The following PTPRJ variants were observed in gnomAD, a reference collection of about 807,000 sequenced individuals.
PTPRJ encodes protein tyrosine phosphatase receptor type J, also known as receptor-type tyrosine-protein phosphatase eta.
A neutral mutation model predicts 141.3 loss-of-function variants in PTPRJ; 129 were observed. The observed-to-expected ratio is 0.91, with a 90% confidence interval of 0.79 to 1.06. The LOEUF (loss-of-function observed/expected upper bound fraction) is 1.06. PTPRJ is among the 50% of genes least tolerant of loss of function. The pLI, the probability that PTPRJ is intolerant of heterozygous loss-of-function variation, is 0.00. For missense variants in PTPRJ, 1,601 were observed against 1,679.7 expected (o/e 0.95, Z 0.82); for synonymous variants, 610 against 640.5 (o/e 0.95, Z 0.72).
intron 1 of PTPRJ, among the ~76,000 whole-genome samples, chr11:48,096,491 C>A (rs556817076): frequency 1.3e-5 from 2 of 152,322 alleles, no homozygotes; most frequent in East Asian, 3.9e-4. Context: ...ACTTTCTCCG[C>A]CAAAACTATC....
At chr11:48,058,326 T>C (rs567745777) in intron 1 of PTPRJ, among the ~76,000 whole-genome samples, 9 of 152,260 alleles carry the variant, frequency 5.9e-5, no homozygotes, top group African/African-American at 2.2e-4. Flanking sequence ...TGCCTCCACC[T>C]CCTGAATAGC....
At chr11:48,107,484 T>G (rs576431043) in intron 1 of PTPRJ, among the ~76,000 whole-genome samples, 11 of 152,248 alleles carry the variant, frequency 7.2e-5, no homozygotes, top group African/African-American at 2.6e-4. Flanking sequence ...AACTGGGGTA[T>G]ATAGGGAAGT....
At chr11:48,148,197 A>G (rs1857397955) in intron 15 of PTPRJ, among the ~76,000 whole-genome samples, 1 of 152,160 alleles carries the variant, frequency 6.6e-6, no homozygotes, top group South Asian at 2.1e-4. Flanking sequence ...GGCTGGATAA[A>G]ACAGTTTTAT....
At chr11:48,134,494 G>T (rs1321044788) in intron 8 of PTPRJ, among the ~76,000 whole-genome samples, 1 of 152,086 alleles carries the variant, frequency 6.6e-6, no homozygotes, top group African/African-American at 2.4e-5. Flanking sequence ...GGAAACAAAG[G>T]CTCCTCCCAG....
chr11:48,001,005 T>G (rs1281710135), intron 1 of PTPRJ, among the ~76,000 whole-genome samples: 1 of 146,620 alleles, frequency 6.8e-6, no homozygotes, highest in African/African-American at 2.6e-5. Context: ...TTTTTTTTTT[T>G]TAAATTTTGA....
At chr11:48,094,443 C>T (rs1478812085) in intron 1 of PTPRJ, among the ~76,000 whole-genome samples, 10 of 152,080 alleles carry the variant, frequency 6.6e-5, no homozygotes, top group African/African-American at 9.7e-5. Flanking sequence ...GGTTGATGTC[C>T]GAAATGAAGT....
At chr11:48,104,590 G>A (rs1054453515) in intron 1 of PTPRJ, among the ~76,000 whole-genome samples, 5 of 152,162 alleles carry the variant, frequency 3.3e-5, no homozygotes, top group Admixed American at 6.5e-5. Flanking sequence ...AAAGCCCAAC[G>A]TGGATAACAG....
Position 48,029,723 on chromosome 11 carries a change from A to T in PTPRJ, c.96+48715A>T, listed in dbSNP as rs188780616. Among the ~76,000 whole-genome samples the T allele has an allele frequency of 7.4e-4, 110 of 149,178 alleles. 2 individuals are homozygous for T. In the East Asian group the frequency reaches 0.019, roughly 26 times the overall value. On this transcript the variant is annotated intron_variant, in intron 1 of 24. Coordinates refer to ENST00000418331, the MANE Select transcript of PTPRJ (RefSeq NM_002843.4). ...TAGTAAAAGCACTGAGGTTAGATTT[A>T]TGGGTTTTTTTTGAGGAGGATAGAC...
chr11:48,079,200 T>C (rs1249310152), intron 1 of PTPRJ, among the ~76,000 whole-genome samples: 1 of 151,452 alleles, frequency 6.6e-6, no homozygotes, highest in Non-Finnish European at 1.5e-5. Context: ...TTTAAGAAAG[T>C]TTATGAATTT....
chr11:48,151,805 A>G (rs1339476710), intron 18 of PTPRJ, among the ~76,000 whole-genome samples: 1 of 152,112 alleles, frequency 6.6e-6, no homozygotes, highest in African/African-American at 2.4e-5. Flanking sequence ...ATAGTATTCC[A>G]TGGTGAATGT....
intron 1 of PTPRJ, among the ~76,000 whole-genome samples, chr11:48,014,917 G>T (rs1854912017): frequency 6.6e-6 from 1 of 152,090 alleles, no homozygotes; most frequent in Non-Finnish European, 1.5e-5. Flanking sequence ...TGTTGGCTAG[G>T]CTGGTCTCGA....
At chr11:48,120,246 A>G (rs948901836) in intron 3 of PTPRJ, among the ~76,000 whole-genome samples, 1 of 151,918 alleles carries the variant, frequency 6.6e-6, no homozygotes, top group African/African-American at 2.4e-5. Context: ...CTTTAATCCC[A>G]GATCTGGGTT....
intron 1 of PTPRJ, among the ~76,000 whole-genome samples, chr11:48,040,794 ATTTCACCATAT>A (rs1854256051): frequency 6.6e-6 from 1 of 151,548 alleles, no homozygotes; most frequent in Non-Finnish European, 1.5e-5. Context: ...TAGAGATGGA[ATTTCACCATAT>A]TGGCCAGGCC....
intron 1 of PTPRJ, among the ~76,000 whole-genome samples, chr11:47,997,379 TCCTCC>T (rs1854366969): frequency 6.6e-6 from 1 of 152,184 alleles, no homozygotes. Context: ...GTAGCTGACT[TCCTCC>T]CCGTGAGACC....
chr11:48,029,937 C>A (rs1158810860), intron 1 of PTPRJ, among the ~76,000 whole-genome samples: 1 of 152,348 alleles, frequency 6.6e-6, no homozygotes, highest in African/African-American at 2.4e-5. Context: ...ACCCTCCCAC[C>A]ACTGGACTCA....
intron 1 of PTPRJ, among the ~76,000 whole-genome samples, chr11:48,041,191 G>A (rs1020038462): frequency 1.6e-4 from 25 of 152,010 alleles, no homozygotes; most frequent in African/African-American, 2.4e-5. Context: ...GGCATCATGC[G>A]TTCTTCATTT....
chr11:48,139,711 T>A lies in PTPRJ; in HGVS notation c.2378T>A (p.Ile793Asn). 1 of 1,614,100 alleles carries A rather than the reference T, an allele frequency of 6.2e-7. No homozygotes were observed. The highest frequency in any genetic ancestry group is 8.5e-7 in the Non-Finnish European group (1 of 1,180,014). The change falls in exon 11 of 25, where the codon ATC becomes AAC. Residue 793 changes from isoleucine to asparagine, a missense_variant. Ile to Asn is a moderately radical substitution (Grantham distance 149). Coordinates refer to ENST00000418331, the MANE Select transcript of PTPRJ (RefSeq NM_002843.4). ...LNFSTSYNIS[I>N]TTVSCGKMAA... is the part of the protein sequence containing the mutation. ...TTTTCTACCTCGTACAACATCAGCATCACCACTGTGTCCTGTGGAAAGATG... is the reference window on the plus strand; with the variant it reads ...TTTTCTACCTCGTACAACATCAGCAACACCACTGTGTCCTGTGGAAAGATG...
At chr11:48,134,544 A>G (rs970308300) in intron 8 of PTPRJ, among the ~76,000 whole-genome samples, 1 of 152,228 alleles carries the variant, frequency 6.6e-6, no homozygotes, top group Non-Finnish European at 1.5e-5. Context: ...AATTAAAAAA[A>G]AAATTAATTT....
intron 11 of PTPRJ, among the ~76,000 whole-genome samples, chr11:48,141,367 A>G (rs1857225682): frequency 6.6e-6 from 1 of 151,812 alleles, no homozygotes; most frequent in Non-Finnish European, 1.5e-5. Context: ...GAGGCCATCC[A>G]TGGAGGGTCC....
Sources: gnomAD v4.1 joint callset for allele counts (sites outside exome capture counted in the v4.1 genomes callset) on GRCh38, gnomAD v4.1.1 for gene constraint, MANE v1.5 for transcripts, NCBI Gene and HGNC (gene_info 2026-07-23, HGNC 2026-07-21) for gene names.